The following TF variants were observed in gnomAD, a reference collection of about 807,000 sequenced individuals.
TF encodes transferrin.
In TF, 55 loss-of-function variants were observed where a neutral mutation model predicts 82.4. That is an observed-to-expected ratio of 0.67 (90% CI 0.54 to 0.84). The LOEUF is 0.84. TF is among the 40% of genes least tolerant of loss of function. The pLI is 0.00. For synonymous variants in TF, 332 were observed against 332.6 expected (o/e 1.00, Z 0.02); for missense variants, 737 against 868.4 (o/e 0.85, Z 1.90).
intron 5 of TF, chr3:133,755,882 C>G: frequency 2.3e-6 from 1 of 434,744 alleles, no homozygotes; most frequent in Non-Finnish European, 4.2e-6. Context: ...CTGCCTGTCT[C>G]CTGCCCCCAT....
the TF span, among the ~76,000 whole-genome samples, chr3:133,710,482 G>T: frequency 6.6e-6 from 1 of 151,998 alleles, no homozygotes. Flanking sequence ...TGTCCTAATT[G>T]TCCACACACC....
chr3:133,699,347 C>T, the TF span: 5 of 614,844 alleles, frequency 8.1e-6, no homozygotes, highest in East Asian at 5.4e-5. Flanking sequence ...CAGTCCTCTT[C>T]AGGCCACATA....
chr3:133,763,984 T>C (rs41295790), intron 9 of TF, among the ~76,000 whole-genome samples, 198 bp from the exon 10 acceptor site: 38 of 152,308 alleles, frequency 2.5e-4, no homozygotes, highest in Admixed American at 1.1e-3. Flanking sequence ...CAGTTCATGA[T>C]GGTTGGGTGA....
intron 4 of TF, 116 bp from the exon 5 acceptor site, chr3:133,755,247 C>T: frequency 1.5e-6 from 2 of 1,330,852 alleles, no homozygotes; most frequent in Non-Finnish European, 2.2e-6. Flanking sequence ...GCTGGGGCTG[C>T]ATGTGCTGGT....
the TF span, among the ~76,000 whole-genome samples, chr3:133,722,334 A>G: frequency 2.0e-5 from 3 of 152,030 alleles, no homozygotes; most frequent in Non-Finnish European, 4.4e-5. Context: ...TCTCTTGTAG[A>G]GAGCACATAG....
chr3:133,694,742 G>GC, the TF span, among the ~76,000 whole-genome samples: 13 of 152,112 alleles, frequency 8.5e-5, no homozygotes, highest in Non-Finnish European at 1.5e-4. Context: ...CTCCCTCTCA[G>GC]CCCCCTTGCA....
chr3:133,695,131 G>A, the TF span, among the ~76,000 whole-genome samples: 1 of 152,092 alleles, frequency 6.6e-6, no homozygotes, highest in Non-Finnish European at 1.5e-5. Flanking sequence ...AGCAGTCCGG[G>A]CTGACCCTCA....
chr3:133,757,975 A>G (rs200174836), intron 8 of TF, 29 bp downstream of exon 8: 1 of 1,612,540 alleles, frequency 6.2e-7, no homozygotes, highest in East Asian at 2.2e-5. Flanking sequence ...CCAGGTGACC[A>G]CAAGCACTTG....
rs923132585 is a variant in TF at position 133,790,968 on chromosome 3, A to G, written c.*12348A>G. 2 of 151,970 alleles carry G rather than the reference A, an allele frequency of 1.3e-5. No individual in the cohort carries two copies. The highest frequency in any genetic ancestry group is 6.5e-5 in the Admixed American group (1 of 15,268). The allele number at this position is 151,970 out of a possible 1,614,324, so 9.4% of individuals were successfully genotyped here. ...AGGAAAAATTTAGGGTTGGGTTCCT[A>G]TTTGTTTTTGCTTCTAATTTTCATT... On this transcript the variant is annotated 3_prime_UTR_variant, in exon 17 of 17. Coordinates refer to ENST00000402696, the MANE Select transcript of TF (RefSeq NM_001063.4).
the TF span, among the ~76,000 whole-genome samples, chr3:133,684,972 C>A: frequency 6.6e-6 from 1 of 152,108 alleles, no homozygotes; most frequent in African/African-American, 2.4e-5. Flanking sequence ...ACTGGCAAAC[C>A]AAATCCAGCA....
intron 1 of TF, 50 bp from the exon 2 acceptor site, chr3:133,748,362 T>C: frequency 1.9e-6 from 3 of 1,610,886 alleles, no homozygotes; most frequent in Non-Finnish European, 1.7e-6. Flanking sequence ...ATGCTGTCTC[T>C]CCCTCAGCAT....
At chr3:133,748,116 G>T (rs1300719889) in intron 1 of TF, 2 of 461,828 alleles carry the variant, frequency 4.3e-6, no homozygotes. Context: ...GTGATGGGAG[G>T]AGACAAGGCG....
At chr3:133,671,321 GTTGAA>G in the TF span, among the ~76,000 whole-genome samples, 6 of 152,096 alleles carry the variant, frequency 3.9e-5, no homozygotes, top group Non-Finnish European at 4.4e-5. Context: ...TAAACCATGA[GTTGAA>G]TAAGAAATCA....
At chr3:133,698,020 T>A in the TF span, among the ~76,000 whole-genome samples, 1 of 152,204 alleles carries the variant, frequency 6.6e-6, no homozygotes, top group Non-Finnish European at 1.5e-5. Context: ...AACAAGACTG[T>A]CTCCACTTCA....
chr3:133,783,880 A>G lies in TF; in HGVS notation c.*5260A>G, dbSNP rs1176029918. ...CCCCGCCCAACCCTGCCAGGCTCAG[A>G]CGAAGCTTCTGCTGAGCCGCCTGGA... is the stretch of plus-strand genomic sequence containing the variant. On this transcript the variant is annotated 3_prime_UTR_variant, in exon 17 of 17. Coordinates refer to ENST00000402696, the MANE Select transcript of TF (RefSeq NM_001063.4). 2 of 152,204 alleles carry G rather than the reference A, an allele frequency of 1.3e-5. No homozygotes were observed. The highest frequency in any genetic ancestry group is 6.5e-5 in the Admixed American group (1 of 15,280). 9.4% of individuals were successfully genotyped at this position (152,204 alleles called of 1,614,324 possible). A position where few individuals can be genotyped will look rare whatever the true frequency, so the allele number is the denominator to read the frequency against.
chr3:133,747,933 A>T (rs1933547831), intron 1 of TF, among the ~76,000 whole-genome samples: 1 of 139,776 alleles, frequency 7.2e-6, no homozygotes, highest in East Asian at 2.0e-4. Context: ...ACCTTGGGTT[A>T]AAAAAAAAAA....
chr3:133,682,025 C>A, the TF span, among the ~76,000 whole-genome samples: 3 of 152,134 alleles, frequency 2.0e-5, no homozygotes, highest in Admixed American at 2.0e-4. Context: ...GATCAGGCAG[C>A]AACATTTGCC....
chr3:133,757,076 T>C, intron 7 of TF, 67 bp downstream of exon 7: 1 of 1,597,802 alleles, frequency 6.3e-7, no homozygotes, highest in South Asian at 1.1e-5. Flanking sequence ...GTTTTCCTCC[T>C]GGCCATCTTG....
At chr3:133,754,035 G>A (rs1350625771) in intron 3 of TF, 17 of 471,846 alleles carry the variant, frequency 3.6e-5, no homozygotes, top group Non-Finnish European at 6.2e-5. Context: ...GGAGCCATAG[G>A]TACCACTCAC....
Sources: allele counts gnomAD v4.1 joint callset (sites outside exome capture counted in the v4.1 genomes callset), GRCh38; gene constraint gnomAD v4.1.1; transcripts MANE v1.5; gene names NCBI Gene and HGNC (gene_info 2026-07-23, HGNC 2026-07-21).